The following KCNG2 variants were observed in gnomAD, a reference collection of about 807,000 sequenced individuals.
KCNG2 encodes voltage-gated potassium channel regulatory subunit KCNG2.
A neutral mutation model predicts 12.3 loss-of-function variants in KCNG2; 7 were observed. The observed-to-expected ratio is 0.57, with a 90% CI of 0.32 to 1.07. The LOEUF is 1.07. KCNG2 is among the 50% of genes least tolerant of loss of function. KCNG2 has a pLI of 0.04. For missense variants in KCNG2, 703 were observed against 726.0 expected (o/e 0.97, Z 0.36); for synonymous variants, 414 against 351.4 (o/e 1.18, Z -1.99).
At chr18:79,882,079 T>C (rs1295414727) in intron 3 of KCNG2, among the ~76,000 whole-genome samples, 1 of 152,012 alleles carries the variant, frequency 6.6e-6, no homozygotes, top group African/African-American at 2.4e-5. Context: ...CCTAAACATA[T>C]AACATTTAAA....
chr18:79,832,252 G>A (rs958623806), intron 1 of KCNG2, among the ~76,000 whole-genome samples: 6 of 132,756 alleles, frequency 4.5e-5, no homozygotes, highest in Admixed American at 3.1e-4. Flanking sequence ...ATCCTCACCC[G>A]TGAGACCTCA....
intron 1 of KCNG2, among the ~76,000 whole-genome samples, chr18:79,818,571 A>G (rs1051545720): frequency 6.6e-6 from 1 of 152,260 alleles, no homozygotes; most frequent in Non-Finnish European, 1.5e-5. Context: ...TTCTATAAAA[A>G]TTAAATGACC....
chr18:79,834,924 G>A (rs1978315537), intron 1 of KCNG2, among the ~76,000 whole-genome samples: 1 of 152,182 alleles, frequency 6.6e-6, no homozygotes, highest in South Asian at 2.1e-4. Flanking sequence ...TCTGGCCAAT[G>A]GAGTATTTCC....
In KCNG2 at chr18:79,870,240, G is replaced by A. The variant is rs184848042; in HGVS notation, c.624+5949G>A. Among the ~76,000 whole-genome samples the A allele has an allele frequency of 2.3e-4, 35 of 152,374 alleles. 1 individual carries two copies. In the East Asian group the frequency reaches 5.6e-3, roughly 24 times the overall value. On this transcript the variant is annotated intron_variant, in intron 3 of 3. Coordinates refer to ENST00000316249, the MANE Select transcript of KCNG2 (RefSeq NM_012283.2). ...CATACAGACGGGATCACGAGCTTCA[G>A]CTGCCGTGGGCCCTAATGGCTGCGG...
chr18:79,890,627 A>AT, intron 3 of KCNG2, among the ~76,000 whole-genome samples: 2 of 152,202 alleles, frequency 1.3e-5, no homozygotes, highest in Admixed American at 6.5e-5. Context: ...GCTGCAGAGG[A>AT]CAAGACATCG....
intron 1 of KCNG2, among the ~76,000 whole-genome samples, chr18:79,854,080 A>G (rs1211501796): frequency 6.6e-6 from 1 of 152,246 alleles, no homozygotes; most frequent in Non-Finnish European, 1.5e-5. Context: ...CCTGGGGAGC[A>G]CTGGCTGCAC....
chr18:79,863,484 G>A (rs1431411216), intron 2 of KCNG2, among the ~76,000 whole-genome samples, 144 bp from the exon 3 acceptor site: 1 of 152,348 alleles, frequency 6.6e-6, no homozygotes, highest in Non-Finnish European at 1.5e-5. Context: ...TCGGGCCTGC[G>A]GAGGAGTGGG....
intron 1 of KCNG2, among the ~76,000 whole-genome samples, chr18:79,829,009 G>A (rs1412145187): frequency 2.0e-5 from 2 of 102,364 alleles, no homozygotes; most frequent in Admixed American, 1.0e-4. Context: ...TGTCCATGAT[G>A]TGTGCATGTG....
intron 1 of KCNG2, among the ~76,000 whole-genome samples, chr18:79,807,407 G>A (rs1023776822): frequency 6.6e-6 from 1 of 152,082 alleles, no homozygotes; most frequent in Non-Finnish European, 1.5e-5. Flanking sequence ...GTAAACACCC[G>A]AGCACCCAGC....
At chr18:79,838,063 G>A (rs146783276) in intron 1 of KCNG2, among the ~76,000 whole-genome samples, 188 of 152,304 alleles carry the variant, frequency 1.2e-3, no homozygotes, top group East Asian at 8.5e-3. Flanking sequence ...GCGAGAGTGA[G>A]TGAAGGGAAA....
At chr18:79,815,699 C>T (rs145439809) in intron 1 of KCNG2, among the ~76,000 whole-genome samples, 271 of 152,262 alleles carry the variant, frequency 1.8e-3, no homozygotes, top group African/African-American at 6.3e-3. Context: ...GCAGATTTCC[C>T]GTGGGGAGGG....
rs144858459 is a variant in KCNG2, at chr18:79,864,211, G to C, written c.544G>C (p.Val182Leu). ...SGLAGKLFAC[V>L]SVSFVAVTAV... ...GCTGGCGGGCAAGCTCTTCGCCTGC[G>C]TGTCCGTGTCCTTCGTGGCCGTCAC... The change falls in exon 3 of 4, where the codon GTG becomes CTG. Residue 182 changes from valine (V) to leucine (L), a missense_variant. Val to Leu is a conservative substitution (Grantham distance 32). Coordinates refer to ENST00000316249, the MANE Select transcript of KCNG2 (RefSeq NM_012283.2). 6.5e-7 allele frequency: 1 copy of C among 1,545,900 alleles called. No individual in the cohort carries two copies. The highest frequency in any genetic ancestry group is 1.1e-5 in the South Asian group (1 of 88,250).
intron 3 of KCNG2, among the ~76,000 whole-genome samples, chr18:79,876,690 A>T (rs1980085926): frequency 6.6e-6 from 1 of 152,206 alleles, no homozygotes; most frequent in African/African-American, 2.4e-5. Context: ...TGGGTGAATC[A>T]TCAACGACAC....
chr18:79,899,263 C>T lies in KCNG2; in HGVS notation c.848C>T (p.Ala283Val), dbSNP rs761601080. 6 of 1,587,036 alleles carry T rather than the reference C, an allele frequency of 3.8e-6. No individual in the cohort carries two copies. The highest frequency in any genetic ancestry group is 1.7e-5 in the Admixed American group (1 of 58,316). Reference sequence around the variant, plus strand: ...GGCGGGACCAAGCTCCTGGAGCGCGCGGGGCTGGTGCTGCGGCTGCTGCGT... The same window carrying T: ...GGCGGGACCAAGCTCCTGGAGCGCGTGGGGCTGGTGCTGCGGCTGCTGCGT... ...GPGGTKLLER[A>V]GLVLRLLRAL... Residue 283 changes from alanine to valine, a missense_variant, in exon 4 of 4, where the codon GCG becomes GTG. Physicochemically the swap from Ala to Val is moderately conservative, Grantham distance 64. Transcript: ENST00000316249.
chr18:79,829,655 G>T (rs498541), intron 1 of KCNG2, among the ~76,000 whole-genome samples: 1 of 151,888 alleles, frequency 6.6e-6, no homozygotes, highest in African/African-American at 2.4e-5. Flanking sequence ...ACACCGGTCA[G>T]CCTCTGCTTC....
At chr18:79,869,966 T>C (rs758634128) in intron 3 of KCNG2, among the ~76,000 whole-genome samples, 9 of 152,216 alleles carry the variant, frequency 5.9e-5, no homozygotes, top group Non-Finnish European at 1.5e-5. Context: ...AGGTCAGAGC[T>C]GGAGTGGGAG....
At chr18:79,798,707 C>A (rs2087383651) in intron 1 of KCNG2, among the ~76,000 whole-genome samples, 1 of 152,234 alleles carries the variant, frequency 6.6e-6, no homozygotes, top group South Asian at 2.1e-4. Context: ...GTCCTCCGGC[C>A]CGGGGAGCTC....
At chr18:79,877,047 A>G (rs1377276867) in intron 3 of KCNG2, among the ~76,000 whole-genome samples, 1 of 152,224 alleles carries the variant, frequency 6.6e-6, no homozygotes, top group African/African-American at 2.4e-5. Context: ...AGCACATTCT[A>G]GGCAAAGGCC....
In KCNG2 at chr18:79,810,865, G is replaced by A. The variant is rs954418607; in HGVS notation, c.-115+12851G>A. ...GTCCAACCTTAGAAGCATGAGTCAG[G>A]CTCTTCTCAAAAACAAAAACAAACC... On this transcript the variant is annotated intron_variant, in intron 1 of 3. Transcript: ENST00000316249. Among the ~76,000 whole-genome samples, 4 of 152,302 alleles carry A rather than the reference G, an allele frequency of 2.6e-5. No homozygotes were observed. The East Asian group carries it at 5.8e-4, about 22-fold the overall frequency.
Sources: allele counts gnomAD v4.1 joint callset (sites outside exome capture counted in the v4.1 genomes callset), GRCh38; gene constraint gnomAD v4.1.1; transcripts MANE v1.5; gene names NCBI Gene and HGNC (gene_info 2026-07-23, HGNC 2026-07-21).